The following PIGL variants were observed in gnomAD, a reference collection of about 807,000 sequenced individuals.
PIGL encodes the protein phosphatidylinositol glycan anchor biosynthesis class L.
In PIGL, 22 loss-of-function variants were observed where a neutral mutation model predicts 31.1. The ratio of observed to expected loss-of-function variants is 0.71; its 90% confidence interval spans 0.51 to 1.01. The LOEUF (loss-of-function observed/expected upper bound fraction) is 1.01, where lower values mean the gene tolerates loss of function less well. Ranked by LOEUF, PIGL falls within the 50% of genes least tolerant of loss-of-function variation. The pLI is 0.00. For missense variants in PIGL, 302 were observed against 315.9 expected (o/e 0.96, Z 0.33); for synonymous variants, 131 against 117.4 (o/e 1.12, Z -0.75).
intron 2 of PIGL, among the ~76,000 whole-genome samples, chr17:16,241,242 T>C (rs369810280): frequency 1.3e-5 from 2 of 149,762 alleles, no homozygotes; most frequent in African/African-American, 2.5e-5. Flanking sequence ...AGGAGGAGAA[T>C]TGGGTATGAA....
chr17:16,245,358 C>T (rs527809272), intron 2 of PIGL, among the ~76,000 whole-genome samples: 1 of 151,874 alleles, frequency 6.6e-6, no homozygotes, highest in South Asian at 2.1e-4. Context: ...AAGTCCTGAA[C>T]TCAGATGATC....
chr17:16,277,878 A>T (rs1434658825), intron 2 of PIGL, among the ~76,000 whole-genome samples: 2 of 152,224 alleles, frequency 1.3e-5, no homozygotes, highest in African/African-American at 2.4e-5. Context: ...ACTAAGTCAT[A>T]TCAGAATTGT....
At chr17:16,242,981 T>C (rs1164442180) in intron 2 of PIGL, among the ~76,000 whole-genome samples, 1 of 152,180 alleles carries the variant, frequency 6.6e-6, no homozygotes, top group East Asian at 1.9e-4. Context: ...CAGGCAACTT[T>C]ATCCGTATTT....
chr17:16,220,434 TTTA>T (rs2092621657), intron 1 of PIGL, among the ~76,000 whole-genome samples: 1 of 151,982 alleles, frequency 6.6e-6, no homozygotes, highest in African/African-American at 2.4e-5. Flanking sequence ...CATTTTGTTT[TTTA>T]TTGTATGTTA....
At chr17:16,300,446 C>T (rs954407038) in intron 3 of PIGL, among the ~76,000 whole-genome samples, 2 of 152,076 alleles carry the variant, frequency 1.3e-5, no homozygotes, top group African/African-American at 4.8e-5. Flanking sequence ...ATCGGGAGGC[C>T]GAGTTGGACG....
At chr17:16,315,057 G>T (rs1362761606) in intron 4 of PIGL, among the ~76,000 whole-genome samples, 1 of 152,092 alleles carries the variant, frequency 6.6e-6, no homozygotes, top group Non-Finnish European at 1.5e-5. Context: ...TGAGTCACCT[G>T]GTCCCATTCC....
intron 2 of PIGL, among the ~76,000 whole-genome samples, chr17:16,234,404 G>A (rs781498198): frequency 5.3e-5 from 8 of 151,176 alleles, no homozygotes; most frequent in Non-Finnish European, 7.4e-5. Context: ...CTGAGATCAA[G>A]CCATTGCACT....
At chr17:16,248,864 C>A (rs1020943497) in intron 2 of PIGL, among the ~76,000 whole-genome samples, 1 of 152,138 alleles carries the variant, frequency 6.6e-6, no homozygotes, top group Admixed American at 6.6e-5. Context: ...TTCTCAGAGT[C>A]CTGCAGACTA....
chr17:16,234,158 G>A, intron 2 of PIGL, 88 bp downstream of exon 2: 1 of 737,518 alleles, frequency 1.4e-6, no homozygotes, highest in Admixed American at 2.1e-5. Flanking sequence ...TAATGTGAGT[G>A]GCTGAGAACA....
chr17:16,256,852 TA>T (rs2092795926), intron 2 of PIGL, among the ~76,000 whole-genome samples: 1 of 151,824 alleles, frequency 6.6e-6, no homozygotes, highest in Non-Finnish European at 1.5e-5. Flanking sequence ...CACACTAGGG[TA>T]ATTTTTGTGT....
intron 2 of PIGL, among the ~76,000 whole-genome samples, chr17:16,289,323 TG>T (rs1191198706): frequency 1.3e-5 from 2 of 152,256 alleles, no homozygotes; most frequent in Non-Finnish European, 2.9e-5. Flanking sequence ...ATTCAGCAAC[TG>T]CCTGATGCAA....
chr17:16,313,628 G>C lies in PIGL; in HGVS notation c.494+14G>C. 2 of 1,597,248 alleles carry C rather than the reference G, an allele frequency of 1.3e-6. No individual in the cohort carries two copies. Among genetic ancestry groups the C allele is most frequent in the Non-Finnish European group, 1.7e-6 (2 of 1,164,624 alleles). On this transcript the variant is annotated intron_variant, in intron 4 of 6. Transcript: ENST00000225609. ...TGCAGCTGTGAGGTATGATTCTCCG[G>C]GTGATGGATGTGGGGGAGGGTTTGT...
At chr17:16,239,321 A>G (rs2092713199) in intron 2 of PIGL, among the ~76,000 whole-genome samples, 2 of 151,718 alleles carry the variant, frequency 1.3e-5, no homozygotes, top group African/African-American at 4.8e-5. Flanking sequence ...GTCTCTACTA[A>G]AGATACAAAA....
At chr17:16,272,110 C>T (rs1027746716) in intron 2 of PIGL, among the ~76,000 whole-genome samples, 7 of 152,178 alleles carry the variant, frequency 4.6e-5, no homozygotes, top group African/African-American at 1.7e-4. Context: ...TTGTGAAAGT[C>T]AGTGTCACTA....
At chr17:16,299,738 C>T (rs914183042) in intron 2 of PIGL, 150 bp from the exon 3 acceptor site, 3 of 658,096 alleles carry the variant, frequency 4.6e-6, no homozygotes, top group Non-Finnish European at 8.4e-6. Context: ...GTTTGTAAAT[C>T]TCACCTTAAC....
chr17:16,265,214 G>A (rs1392341004), intron 2 of PIGL, among the ~76,000 whole-genome samples: 1 of 152,158 alleles, frequency 6.6e-6, no homozygotes, highest in Admixed American at 6.5e-5. Context: ...CTAACACTTA[G>A]GGATATATGG....
At chr17:16,253,837 G>A (rs2092782460) in intron 2 of PIGL, among the ~76,000 whole-genome samples, 1 of 152,078 alleles carries the variant, frequency 6.6e-6, no homozygotes, top group African/African-American at 2.4e-5. Context: ...TAGGAACTTA[G>A]GAGGCTGAGG....
At chr17:16,317,428 G>C (rs2093082691) in intron 5 of PIGL, 8 of 1,022,506 alleles carry the variant, frequency 7.8e-6, no homozygotes, top group African/African-American at 1.7e-5. Context: ...ATTCTTGACT[G>C]ACAGAGCTGG....
chr17:16,263,096 G>A (rs1021777272), intron 2 of PIGL, among the ~76,000 whole-genome samples: 4 of 147,716 alleles, frequency 2.7e-5, no homozygotes, highest in South Asian at 4.4e-4. Context: ...GTTTATTTGG[G>A]GGGGGGGGAT....
Sources: allele counts gnomAD v4.1 joint callset (sites outside exome capture counted in the v4.1 genomes callset), GRCh38; gene constraint gnomAD v4.1.1; transcripts MANE v1.5; gene names NCBI Gene and HGNC (gene_info 2026-07-23, HGNC 2026-07-21).